The following WDR89 variants were observed in gnomAD, a reference collection of about 807,000 sequenced individuals.
The protein encoded by WDR89 is WD repeat domain 89.
WDR89 carries 17 observed loss-of-function variants against 29.1 expected under a neutral mutation model. The observed-to-expected ratio is 0.58, with a 90% CI of 0.40 to 0.88. The LOEUF is 0.88. WDR89 is among the 40% of genes least tolerant of loss of function. The pLI is 0.00. For synonymous variants in WDR89, 138 were observed against 157.8 expected, an observed-to-expected ratio of 0.87 and a Z score of 0.94; for missense variants, 396 against 456.3, an observed-to-expected ratio of 0.87 and a Z score of 1.20.
In WDR89 at chr14:63,607,095, A is replaced by G. The variant is rs541882312; in HGVS notation, c.-31-7122T>C. The stretch of plus-strand genomic sequence containing the variant: ...CAGTGTATGATTGTAAAAACATGTA[A>G]TAACCCAGAAAAGAGTTACAATAAG... On this transcript the variant is annotated intron_variant, in intron 2 of 2. Coordinates refer to ENST00000620954, the MANE Select transcript of WDR89 (RefSeq NM_080666.4). Among the ~76,000 whole-genome samples the G allele has an allele frequency of 2.6e-5, 4 of 152,346 alleles. No individual in the cohort carries two copies. In the East Asian group the frequency reaches 5.8e-4, roughly 22 times the overall value.
intron 2 of WDR89, among the ~76,000 whole-genome samples, chr14:63,616,674 A>T (rs945521103): frequency 6.6e-6 from 1 of 152,172 alleles, no homozygotes; most frequent in Non-Finnish European, 1.5e-5. Context: ...AGGGTGTAGA[A>T]AATGAGGCTA....
At chr14:63,615,684 T>C (rs1350354662) in intron 2 of WDR89, among the ~76,000 whole-genome samples, 1 of 152,210 alleles carries the variant, frequency 6.6e-6, no homozygotes. Flanking sequence ...CCCAGCACTT[T>C]GGCAGGCCGA....
At chr14:63,635,651 T>C (rs1353685473) in intron 1 of WDR89, among the ~76,000 whole-genome samples, 1 of 152,024 alleles carries the variant, frequency 6.6e-6, no homozygotes, top group Non-Finnish European at 1.5e-5. Context: ...CAGAAAGAAA[T>C]AAAGGGCATC....
At chr14:63,627,144 ACACACACT>A (rs879748677) in intron 1 of WDR89, among the ~76,000 whole-genome samples, 377 of 131,540 alleles carry the variant, frequency 2.9e-3, no homozygotes, top group Non-Finnish European at 4.5e-3. Context: ...ACACACACAC[ACACACACT>A]CTCTCTCTCT....
At chr14:63,615,903 G>A (rs1882273101) in intron 2 of WDR89, among the ~76,000 whole-genome samples, 1 of 149,344 alleles carries the variant, frequency 6.7e-6, no homozygotes, top group South Asian at 2.1e-4. Flanking sequence ...CAGCCTTGGC[G>A]ACAGAGCAAG....
chr14:63,626,218 A>G (rs1434766711), intron 1 of WDR89, among the ~76,000 whole-genome samples: 2 of 152,198 alleles, frequency 1.3e-5, no homozygotes, highest in Non-Finnish European at 2.9e-5. Context: ...AACGTATTAA[A>G]AATATAGTTA....
At chr14:63,603,179 G>A (rs1298422876) in intron 2 of WDR89, among the ~76,000 whole-genome samples, 4 of 151,934 alleles carry the variant, frequency 2.6e-5, no homozygotes, top group East Asian at 3.9e-4. Flanking sequence ...TTATAAGTGC[G>A]CACACACAAA....
intron 2 of WDR89, among the ~76,000 whole-genome samples, chr14:63,604,839 T>C (rs1175251464): frequency 6.6e-6 from 1 of 152,120 alleles, no homozygotes; most frequent in Non-Finnish European, 1.5e-5. Flanking sequence ...ACATTTATGA[T>C]AGTTAAGATT....
chr14:63,617,968 T>C (rs1176903254), intron 2 of WDR89: 2 of 152,044 alleles, frequency 1.3e-5, no homozygotes, highest in African/African-American at 2.4e-5. Context: ...TGGGGGGAGA[T>C]AGAAACTGAG....
At chr14:63,613,107 T>C (rs1882088941) in intron 2 of WDR89, among the ~76,000 whole-genome samples, 2 of 152,168 alleles carry the variant, frequency 1.3e-5, no homozygotes, top group Admixed American at 1.3e-4. Flanking sequence ...GCTGGCTCGA[T>C]GGAGAAGACT....
In WDR89 at chr14:63,616,057, A is replaced by G. The variant is rs376286201; in HGVS notation, c.-32+8871T>C. 1.6e-4 allele frequency among the ~76,000 whole-genome samples: 24 copies of G among 152,308 alleles called. No individual in the cohort carries two copies. The East Asian group carries it at 3.3e-3, about 21-fold the overall frequency. ...CAGGAGTTTGAGACCAGCTTAGGCA[A>G]CATGGCTAAACTCCGTCTCTACAAA... On this transcript the variant is annotated intron_variant, in intron 2 of 2. Transcript: ENST00000620954.
chr14:63,599,842 G>T lies in WDR89; in HGVS notation c.101C>A (p.Thr34Asn). 1 of 1,614,152 alleles carries T rather than the reference G, an allele frequency of 6.2e-7. No homozygotes were observed. The highest frequency in any genetic ancestry group is 8.5e-7 in the Non-Finnish European group (1 of 1,180,022). ...TYLLGIDTSK[T>N]VQAGKENLVA... ...CAAGTTTTCCTTTCCTGCTTGGACA[G>T]TCTTTGATGTGTCTATACCAAGAAG... Residue 34 changes from threonine to asparagine, a missense_variant, in exon 3 of 3, where the codon ACT becomes AAT. Thr to Asn is a moderately conservative substitution (Grantham distance 65). Coordinates refer to ENST00000620954, the MANE Select transcript of WDR89 (RefSeq NM_080666.4).
At chr14:63,627,102 C>G (rs1229833158) in intron 1 of WDR89, among the ~76,000 whole-genome samples, 2 of 150,198 alleles carry the variant, frequency 1.3e-5, no homozygotes, top group Non-Finnish European at 2.9e-5. Flanking sequence ...GCTTAGGTGA[C>G]AGAATAAGAC....
intron 2 of WDR89, among the ~76,000 whole-genome samples, chr14:63,614,971 A>G (rs538025476): frequency 3.5e-4 from 53 of 152,362 alleles, no homozygotes; most frequent in African/African-American, 1.2e-3. Context: ...ATGGCATCCC[A>G]TGCATTAAAT....
chr14:63,601,189 T>C (rs1355265387), intron 2 of WDR89, among the ~76,000 whole-genome samples: 1 of 152,020 alleles, frequency 6.6e-6, no homozygotes, highest in African/African-American at 2.4e-5. Flanking sequence ...ATAATAAACT[T>C]AATGTTATTT....
chr14:63,618,588 T>C (rs994118385), intron 2 of WDR89, among the ~76,000 whole-genome samples: 1 of 151,496 alleles, frequency 6.6e-6, no homozygotes, highest in African/African-American at 2.4e-5. Flanking sequence ...CCAACTAAAG[T>C]AGAAGAAGAA....
chr14:63,600,163 TA>T (rs1894994519), intron 2 of WDR89, among the ~76,000 whole-genome samples, 190 bp from the exon 3 acceptor site: 1 of 152,302 alleles, frequency 6.6e-6, no homozygotes, highest in East Asian at 1.9e-4. Context: ...ATGATGTAAC[TA>T]AAACTCAGTT....
chr14:63,620,291 G>T (rs768793591), intron 2 of WDR89, among the ~76,000 whole-genome samples: 2 of 152,090 alleles, frequency 1.3e-5, no homozygotes, highest in African/African-American at 2.4e-5. Context: ...GTGAAACAGG[G>T]ATAAATTTGC....
At chr14:63,626,782 T>C (rs1004593558) in intron 1 of WDR89, among the ~76,000 whole-genome samples, 2 of 141,378 alleles carry the variant, frequency 1.4e-5, no homozygotes, top group African/African-American at 5.3e-5. Flanking sequence ...TTAAAAACAC[T>C]GATAACATCA....
Sources: allele counts gnomAD v4.1 joint callset (sites outside exome capture counted in the v4.1 genomes callset), GRCh38; gene constraint gnomAD v4.1.1; transcripts MANE v1.5; gene names NCBI Gene and HGNC (gene_info 2026-07-23, HGNC 2026-07-21).